The following TMEM117 variants were observed in gnomAD, a reference collection of about 807,000 sequenced individuals.
The protein encoded by TMEM117 is transmembrane protein 117.
Under a neutral mutation model 52.4 loss-of-function variants are expected in TMEM117, and 27 were observed. The observed-to-expected ratio is 0.51, with a 90% CI of 0.38 to 0.71. TMEM117 has a LOEUF of 0.71. Ranked by LOEUF, TMEM117 falls within the 30% of genes least tolerant of loss-of-function variation. The pLI is 0.00. For synonymous variants in TMEM117, 215 were observed against 206.3 expected (o/e 1.04, Z -0.36); for missense variants, 556 against 630.5 (o/e 0.88, Z 1.26).
chr12:44,240,201 T>G (rs1222007591), intron 5 of TMEM117, among the ~76,000 whole-genome samples: 1 of 152,134 alleles, frequency 6.6e-6, no homozygotes, highest in African/African-American at 2.4e-5. Context: ...TCCTTATATT[T>G]TGCTGCACTG....
chr12:44,120,511 G>GT (rs539639744), intron 3 of TMEM117, among the ~76,000 whole-genome samples: 1 of 152,270 alleles, frequency 6.6e-6, no homozygotes, highest in African/African-American at 2.4e-5. Context: ...CAGGAGCTGG[G>GT]TAAAAAGCTA....
intron 3 of TMEM117, among the ~76,000 whole-genome samples, chr12:44,102,239 T>G (rs1267936158): frequency 2.6e-5 from 4 of 152,018 alleles, no homozygotes; most frequent in Admixed American, 6.6e-5. Flanking sequence ...GGATTTATGC[T>G]TGCTGTAAGG....
intron 2 of TMEM117, among the ~76,000 whole-genome samples, chr12:43,860,904 G>A (rs1236978325): frequency 6.6e-6 from 1 of 152,118 alleles, no homozygotes; most frequent in Admixed American, 6.6e-5. Flanking sequence ...CATTGTCTTA[G>A]TTTATTCTGA....
chr12:43,815,357 A>G, the TMEM117 span, among the ~76,000 whole-genome samples: 151 of 152,342 alleles, frequency 9.9e-4, 1 homozygote, highest in African/African-American at 3.5e-3. Context: ...CGAGTTGGCA[A>G]GAGCTGTTTA....
chr12:44,158,255 A>C (rs1219151344), intron 4 of TMEM117, among the ~76,000 whole-genome samples: 3 of 152,176 alleles, frequency 2.0e-5, no homozygotes, highest in Non-Finnish European at 2.9e-5. Context: ...TGTCTATAAA[A>C]GTAAAGCTTG....
intron 2 of TMEM117, among the ~76,000 whole-genome samples, chr12:43,926,597 T>C (rs890916124): frequency 6.6e-6 from 1 of 152,200 alleles, no homozygotes; most frequent in Admixed American, 6.5e-5. Flanking sequence ...ACTTGAATGT[T>C]TGTGAAAGAA....
At chr12:44,192,630 A>C (rs1680282360) in intron 4 of TMEM117, among the ~76,000 whole-genome samples, 2 of 152,168 alleles carry the variant, frequency 1.3e-5, no homozygotes, top group South Asian at 4.1e-4. Flanking sequence ...TTTTACAAAA[A>C]ATCTGAAAAT....
chr12:43,932,464 A>G (rs1944887212), intron 2 of TMEM117, among the ~76,000 whole-genome samples: 1 of 150,640 alleles, frequency 6.6e-6, no homozygotes, highest in Admixed American at 6.7e-5. Flanking sequence ...TTGGGCTTGG[A>G]TAGTTATTGG....
chr12:44,348,689 T>G (rs1951523736), intron 6 of TMEM117, among the ~76,000 whole-genome samples: 2 of 151,994 alleles, frequency 1.3e-5, no homozygotes, highest in African/African-American at 4.8e-5. Context: ...GCATTTTGTT[T>G]CATTTGTGGG....
Position 43,844,616 on chromosome 12 carries a change from T to G in TMEM117, c.-28-8T>G, listed in dbSNP as rs774980815. The G allele has an allele frequency of 6.3e-7, 1 of 1,594,794 alleles. No homozygotes were observed. Among genetic ancestry groups the G allele is most frequent in the Non-Finnish European group, 8.5e-7 (1 of 1,172,056 alleles). On this transcript the variant is annotated splice_region_variant and splice_polypyrimidine_tract_variant and intron_variant, in intron 1 of 7. Coordinates refer to ENST00000266534, the MANE Select transcript of TMEM117 (RefSeq NM_032256.3). Reference sequence around the variant, plus strand: ...CTCCTCTAACCCTATCTATCTTTTCTTATACAGGTAAACTACGAACTGGGA... The same window carrying G: ...CTCCTCTAACCCTATCTATCTTTTCGTATACAGGTAAACTACGAACTGGGA...
chr12:44,201,557 C>T (rs1213484519), intron 4 of TMEM117, among the ~76,000 whole-genome samples: 3 of 152,118 alleles, frequency 2.0e-5, no homozygotes, highest in Admixed American at 6.5e-5. Context: ...AATTATTCTA[C>T]TCAAACTATA....
chr12:43,807,583 T>A, the TMEM117 span, among the ~76,000 whole-genome samples: 2 of 152,200 alleles, frequency 1.3e-5, no homozygotes, highest in Non-Finnish European at 2.9e-5. Context: ...TTGCAGTATT[T>A]TGACTGATTC....
At chr12:44,117,317 G>A (rs73093474) in intron 3 of TMEM117, among the ~76,000 whole-genome samples, 18,640 of 151,980 alleles carry the variant, frequency 0.12, 1,374 homozygotes, top group Middle Eastern at 0.2. Context: ...TTTGCACATG[G>A]AAGCTTTATC....
At chr12:43,801,017 T>G in the TMEM117 span, among the ~76,000 whole-genome samples, 1 of 152,092 alleles carries the variant, frequency 6.6e-6, no homozygotes, top group East Asian at 1.9e-4. Context: ...TTCCCAAAGT[T>G]TAGGGATTAC....
Position 43,952,047 on chromosome 12 carries a change from G to T in TMEM117, c.410+7705G>T, listed in dbSNP as rs148435950. 7.0e-3 allele frequency among the ~76,000 whole-genome samples: 1,065 copies of T among 152,062 alleles called. 11 individuals carry two copies. Among genetic ancestry groups the T allele is most frequent in the African/African-American group, 0.023 (961 of 41,536 alleles). ...ACTGCAGCAGACCTGCAGAAGAGGG[G>T]CCTGACTGTTAGAAGACAAACAAAC... On this transcript the variant is annotated intron_variant, in intron 3 of 7. Coordinates refer to ENST00000266534, the MANE Select transcript of TMEM117 (RefSeq NM_032256.3).
intron 3 of TMEM117, among the ~76,000 whole-genome samples, chr12:44,011,893 A>G (rs1592438961): frequency 6.6e-6 from 1 of 152,214 alleles, no homozygotes; most frequent in East Asian, 1.9e-4. Context: ...TAGCATATAA[A>G]CATATATACA....
upstream of TMEM117, chr12:43,835,854 G>A (rs1433315841): frequency 1.3e-5 from 2 of 152,072 alleles, no homozygotes; most frequent in African/African-American, 4.8e-5. Flanking sequence ...GAGAGGGCAG[G>A]GGCGGGGAGA....
intron 2 of TMEM117, among the ~76,000 whole-genome samples, chr12:43,854,081 A>C (rs1943357540): frequency 6.6e-6 from 1 of 152,172 alleles, no homozygotes; most frequent in African/African-American, 2.4e-5. Flanking sequence ...TGGTCTTTAA[A>C]TGCCAGTCTT....
chr12:43,865,073 A>G lies in TMEM117; in HGVS notation c.277+20145A>G, dbSNP rs575664853. Among the ~76,000 whole-genome samples the G allele has an allele frequency of 1.2e-4, 19 of 152,218 alleles. No homozygotes were observed. The East Asian group carries it at 3.7e-3, about 30-fold the overall frequency. On this transcript the variant is annotated intron_variant, in intron 2 of 7. Transcript: ENST00000266534. Reference sequence around the variant, plus strand: ...ACCAGAAGGAAAAAGCTCCGAACACATCCGAACATCAGAAGGAAACAACTC... The same window carrying G: ...ACCAGAAGGAAAAAGCTCCGAACACGTCCGAACATCAGAAGGAAACAACTC...
Sources: allele counts gnomAD v4.1 joint callset (sites outside exome capture counted in the v4.1 genomes callset), GRCh38; gene constraint gnomAD v4.1.1; transcripts MANE v1.5; gene names NCBI Gene and HGNC (gene_info 2026-07-23, HGNC 2026-07-21).